Variants in UIMC1 observed in about 807,000 individuals in gnomAD.
UIMC1 encodes ubiquitin interaction motif containing 1, also known as BRCA1-A complex subunit RAP80.
In UIMC1, 42 loss-of-function variants were observed where a neutral mutation model predicts 84.9. The observed-to-expected ratio is 0.49, with a 90% CI of 0.39 to 0.64. UIMC1 has a LOEUF of 0.64. Among genes scored for constraint, UIMC1 ranks in the 30% least tolerant of loss-of-function variants. The pLI, the probability that UIMC1 is intolerant of heterozygous loss-of-function variation, is 0.00. For synonymous variants in UIMC1, 281 were observed against 293.0 expected (o/e 0.96, Z 0.42); for missense variants, 825 against 847.6 (o/e 0.97, Z 0.33).
intron 10 of UIMC1, among the ~76,000 whole-genome samples, chr5:176,936,501 ATAT>A (rs1763727060): frequency 6.6e-6 from 1 of 152,164 alleles, no homozygotes. Context: ...CTTTGCTTAA[ATAT>A]TATTCTTTGC....
intron 1 of UIMC1, among the ~76,000 whole-genome samples, chr5:176,996,472 A>G (rs560167271): frequency 6.6e-6 from 1 of 152,346 alleles, no homozygotes; most frequent in East Asian, 1.9e-4. Flanking sequence ...CCATGTAAGG[A>G]GGTTGACAAA....
chr5:176,977,599 A>C (rs1217321201), intron 2 of UIMC1, among the ~76,000 whole-genome samples: 1 of 111,816 alleles, frequency 8.9e-6, no homozygotes, highest in Non-Finnish European at 1.6e-5. Flanking sequence ...AAAAAAAAAG[A>C]AAAGAAAAAA....
chr5:176,967,525 T>G (rs1561842870), intron 6 of UIMC1, among the ~76,000 whole-genome samples: 1 of 152,106 alleles, frequency 6.6e-6, no homozygotes, highest in Non-Finnish European at 1.5e-5. Context: ...GGGAGAAAAG[T>G]TAAGACTTTT....
intron 1 of UIMC1, among the ~76,000 whole-genome samples, chr5:177,001,156 C>T (rs958139462): frequency 2.6e-5 from 4 of 152,156 alleles, no homozygotes; most frequent in African/African-American, 7.2e-5. Flanking sequence ...AGATTTAATA[C>T]ATTTAATACA....
chr5:176,906,624 C>G (rs1759421835), intron 13 of UIMC1, among the ~76,000 whole-genome samples: 1 of 152,346 alleles, frequency 6.6e-6, no homozygotes, highest in South Asian at 2.1e-4. Context: ...TTCTTGCAAT[C>G]TATGAGGTTT....
intron 8 of UIMC1, among the ~76,000 whole-genome samples, chr5:176,955,067 A>G (rs899104527): frequency 2.0e-5 from 3 of 152,196 alleles, no homozygotes; most frequent in Non-Finnish European, 4.4e-5. Context: ...TGATCTTTTC[A>G]GAAAAGCCAG....
chr5:177,020,576 G>GC (rs1775767643), intron 1 of UIMC1, among the ~76,000 whole-genome samples: 1 of 152,012 alleles, frequency 6.6e-6, no homozygotes, highest in Admixed American at 6.6e-5. Flanking sequence ...GACTACAGGC[G>GC]CCCGCCACCA....
At chr5:176,998,634 G>A (rs528666277) in intron 1 of UIMC1, among the ~76,000 whole-genome samples, 2 of 152,012 alleles carry the variant, frequency 1.3e-5, no homozygotes, top group Admixed American at 6.6e-5. Context: ...AGGCGTGGTG[G>A]TGCATGCCTG....
chr5:176,911,048 C>G (rs1760081075), intron 11 of UIMC1, among the ~76,000 whole-genome samples: 1 of 147,864 alleles, frequency 6.8e-6, no homozygotes. Context: ...GAGATTACGC[C>G]ATTGCACTCC....
rs148559508 is a variant in UIMC1, at chr5:177,013,442, T to C, written c.-9+9022A>G. On this transcript the variant is annotated intron_variant, in intron 1 of 5. Transcript: ENST00000509236. The stretch of plus-strand genomic sequence containing the variant: ...TCATAAGAGAGGAAACTTATTTACA[T>C]AATGGAAGGTTTAAACTACCATTAC... Among the ~76,000 whole-genome samples, 1,266 of 151,840 alleles carry C rather than the reference T, an allele frequency of 8.3e-3. 9 individuals carry two copies. The highest frequency in any genetic ancestry group is 0.014 in the Non-Finnish European group (978 of 67,968).
chr5:176,942,467 G>A (rs192011435), intron 10 of UIMC1, among the ~76,000 whole-genome samples: 6 of 151,710 alleles, frequency 4.0e-5, no homozygotes, highest in Admixed American at 3.9e-4. Context: ...TGCAGGCTGG[G>A]CGTGGTGGCT....
intron 1 of UIMC1, chr5:177,001,951 CAAAA>C (rs34048093): frequency 8.0e-5 from 5 of 62,552 alleles, no homozygotes; most frequent in East Asian, 9.3e-4. Flanking sequence ...CTCTGTTTCC[CAAAA>C]AAAAAAAAAA....
At chr5:176,951,126 A>C (rs1765832921) in intron 9 of UIMC1, among the ~76,000 whole-genome samples, 1 of 152,212 alleles carries the variant, frequency 6.6e-6, no homozygotes, top group Non-Finnish European at 1.5e-5. Context: ...TTATTGGTAC[A>C]TAATAAAAAA....
At chr5:176,926,809 T>A (rs1316177534) in intron 10 of UIMC1, among the ~76,000 whole-genome samples, 1 of 152,176 alleles carries the variant, frequency 6.6e-6, no homozygotes, top group Non-Finnish European at 1.5e-5. Flanking sequence ...GGAAGTACAC[T>A]ATTTTTGTAT....
chr5:176,952,231 G>A (rs1765978778), intron 8 of UIMC1, among the ~76,000 whole-genome samples: 1 of 152,196 alleles, frequency 6.6e-6, no homozygotes, highest in Non-Finnish European at 1.5e-5. Context: ...CAATGTTAGT[G>A]CTGAGGTTAA....
In UIMC1 at chr5:176,982,573, G is replaced by A. The variant is rs13167812; in HGVS notation, c.43C>T (p.Arg15Trp). The change falls in exon 2 of 15, where the codon CGG becomes TGG. Residue 15 changes from arginine to tryptophan, a missense_variant. Coordinates refer to ENST00000511320, the MANE Select transcript of UIMC1 (RefSeq NM_001199298.2). ...TCCACATCCTTCTTCTCCAGGTTCC[G>A]AGATTCGGAGACTTCTTTAACTTTT... ...KKKVKEVSES[R>W]NLEKKDVETT... 0.014 allele frequency: 22,022 copies of A among 1,613,972 alleles called. 167 individuals are homozygous for A. The highest frequency in any genetic ancestry group is 0.016 in the Non-Finnish European group (18,962 of 1,179,982).
At chr5:176,968,425 T>G in intron 6 of UIMC1, 130 bp downstream of exon 6, 1 of 1,333,534 alleles carries the variant, frequency 7.5e-7, no homozygotes, top group Non-Finnish European at 1.0e-6. Context: ...TGTACTTTCC[T>G]AATTTTCTAT....
intron 10 of UIMC1, among the ~76,000 whole-genome samples, chr5:176,940,807 C>T (rs1184917127): frequency 6.6e-6 from 1 of 152,164 alleles, no homozygotes; most frequent in African/African-American, 2.4e-5. Flanking sequence ...TATGTATTTA[C>T]TATGTGCTAG....
intron 11 of UIMC1, 136 bp from the exon 12 acceptor site, chr5:176,908,830 C>G: frequency 2.4e-6 from 2 of 844,624 alleles, no homozygotes; most frequent in Non-Finnish European, 3.6e-6. Flanking sequence ...AATGCAGATT[C>G]ACTCAGCAGG....
Sources: allele counts gnomAD v4.1 joint callset (sites outside exome capture counted in the v4.1 genomes callset), GRCh38; gene constraint gnomAD v4.1.1; transcripts MANE v1.5; gene names NCBI Gene and HGNC (gene_info 2026-07-23, HGNC 2026-07-21).